The following PACSIN1 variants were observed in gnomAD, a reference collection of about 807,000 sequenced individuals.
PACSIN1 encodes protein kinase C and casein kinase substrate in neurons protein 1.
PACSIN1 carries 15 observed loss-of-function variants against 59.5 expected under a neutral mutation model. The ratio of observed to expected loss-of-function variants is 0.25; its 90% confidence interval spans 0.17 to 0.39. The LOEUF is 0.39. Among genes scored for constraint, PACSIN1 ranks in the 10% least tolerant of loss-of-function variants. The pLI is 1.00. For missense variants in PACSIN1, 420 were observed against 580.2 expected (o/e 0.72, Z 2.84); for synonymous variants, 210 against 220.6 (o/e 0.95, Z 0.42).
At chr6:34,507,029 T>C (rs1008440509) in intron 1 of PACSIN1, among the ~76,000 whole-genome samples, 2 of 152,184 alleles carry the variant, frequency 1.3e-5, no homozygotes, top group Non-Finnish European at 2.9e-5. Context: ...TTGGCTACAG[T>C]AGGGACGTCA....
Position 34,486,714 on chromosome 6 carries a change from G to A in PACSIN1, c.-64+20444G>A, listed in dbSNP as rs375312251. ...GGGCTGCCTTCCGGGGCCCTCCTCC[G>A]TGGGCCCCTCTCTTTCCTCCTGCCT... On this transcript the variant is annotated intron_variant, in intron 1 of 9. Coordinates refer to ENST00000244458, the MANE Select transcript of PACSIN1 (RefSeq NM_020804.5). 6.6e-3 allele frequency among the ~76,000 whole-genome samples: 1,010 copies of A among 152,064 alleles called. 7 individuals carry two copies. The highest frequency in any genetic ancestry group is 0.031 in the Middle Eastern group (9 of 294).
At chr6:34,484,928 G>T (rs1191757116) in intron 1 of PACSIN1, 1 of 152,026 alleles carries the variant, frequency 6.6e-6, no homozygotes, top group Non-Finnish European at 1.5e-5. Flanking sequence ...GAAAGTGGGG[G>T]TCAGGATCAT....
intron 1 of PACSIN1, among the ~76,000 whole-genome samples, chr6:34,475,270 A>G (rs974385734): frequency 6.6e-6 from 1 of 151,752 alleles, no homozygotes; most frequent in Non-Finnish European, 1.5e-5. Flanking sequence ...CTCCTCTCAC[A>G]TTGCTAGCTC....
intron 1 of PACSIN1, among the ~76,000 whole-genome samples, chr6:34,467,504 C>G (rs769528691): frequency 2.0e-5 from 3 of 150,718 alleles, no homozygotes; most frequent in South Asian, 2.1e-4. Context: ...TCCCCAGGAC[C>G]AAAGAGCCAC....
At chr6:34,510,134 G>A (rs940855755) in intron 1 of PACSIN1, among the ~76,000 whole-genome samples, 6 of 152,260 alleles carry the variant, frequency 3.9e-5, no homozygotes, top group Non-Finnish European at 8.8e-5. Flanking sequence ...CCAATTTGGA[G>A]ATGTTAAGAA....
chr6:34,503,983 T>A (rs1374337117), intron 1 of PACSIN1, among the ~76,000 whole-genome samples: 1 of 152,172 alleles, frequency 6.6e-6, no homozygotes, highest in Non-Finnish European at 1.5e-5. Context: ...GTAGTGTTTT[T>A]GAGTGTATCT....
intron 1 of PACSIN1, among the ~76,000 whole-genome samples, chr6:34,517,529 A>C (rs1581980159): frequency 1.8e-5 from 2 of 111,482 alleles, no homozygotes; most frequent in Admixed American, 1.1e-4. Flanking sequence ...CCCTTCCCTC[A>C]TCTGCGCAGG....
intron 1 of PACSIN1, among the ~76,000 whole-genome samples, chr6:34,523,703 C>A (rs893166991): frequency 1.2e-4 from 18 of 152,308 alleles, no homozygotes; most frequent in African/African-American, 4.1e-4. Flanking sequence ...CAGCAGGTAC[C>A]GACTGCCCTT....
At chr6:34,495,054 C>T (rs995037432) in intron 1 of PACSIN1, among the ~76,000 whole-genome samples, 4 of 152,176 alleles carry the variant, frequency 2.6e-5, no homozygotes, top group African/African-American at 9.7e-5. Flanking sequence ...TATTCCCTCC[C>T]TCTGCCAGCT....
rs530467979 is a variant in PACSIN1, at chr6:34,532,500, C to G, written c.1305C>G (p.Leu435=). ...GGCTGGACAGCGGGCAGCTGGGCCT[C>G]TACCCTGCCAACTACGTGGAGGCTA... ...RGRLDSGQLG[L]YPANYVEAI Residue 435 remains leucine (L), a synonymous_variant, in exon 10 of 10, where the codon CTC becomes CTG. Coordinates refer to ENST00000244458, the MANE Select transcript of PACSIN1 (RefSeq NM_020804.5). This position sits in a 1 kb window ranked among gnomAD's most constrained non-coding sequence, Gnocchi z 5.2. The G allele has an allele frequency of 6.4e-7, 1 of 1,562,006 alleles. No individual in the cohort carries two copies. Among genetic ancestry groups the G allele is most frequent in the Admixed American group, 1.9e-5 (1 of 52,646 alleles).
Position 34,521,335 on chromosome 6 carries a change from C to T in PACSIN1, c.-63-4908C>T, listed in dbSNP as rs145949681. Among the ~76,000 whole-genome samples the T allele has an allele frequency of 2.0e-3, 298 of 152,270 alleles. 1 individual carries two copies. Among genetic ancestry groups the T allele is most frequent in the Middle Eastern group, 6.8e-3 (2 of 294 alleles). The stretch of plus-strand genomic sequence containing the variant: ...GTGACCACTGAGGTAGGAATCCACA[C>T]GGCGCCTTGGTCCACACGAGGCCTG... On this transcript the variant is annotated intron_variant, in intron 1 of 9. Transcript: ENST00000244458. This position sits in a 1 kb window ranked among gnomAD's most constrained non-coding sequence, Gnocchi z 4.3.
intron 1 of PACSIN1, among the ~76,000 whole-genome samples, chr6:34,513,698 G>C (rs1048551932): frequency 5.9e-4 from 90 of 152,024 alleles, no homozygotes; most frequent in African/African-American, 2.1e-3. Context: ...GGGGCTCTAG[G>C]GGGGATCTAG....
rs532761045 is a variant in PACSIN1, at chr6:34,468,453, G to A, written c.-64+2183G>A. On this transcript the variant is annotated intron_variant, in intron 1 of 9. Transcript: ENST00000244458. ...TCATTCATTCATTCCACAATGGCTC[G>A]CATTGCTATTTGACAGCCATGCAGT... is the stretch of plus-strand genomic sequence containing the variant. 1.6e-4 allele frequency among the ~76,000 whole-genome samples: 25 copies of A among 152,260 alleles called. 1 individual carries two copies. Among genetic ancestry groups the A allele is most frequent in the African/African-American group, 4.8e-4 (20 of 41,546 alleles).
In PACSIN1 at chr6:34,532,362, G is replaced by C. The variant is rs1021610452; in HGVS notation, c.1226-59G>C. On this transcript the variant is annotated intron_variant, in intron 9 of 9. Coordinates refer to ENST00000244458, the MANE Select transcript of PACSIN1 (RefSeq NM_020804.5). This position sits in a 1 kb window ranked among gnomAD's most constrained non-coding sequence, Gnocchi z 5.2. ...GTATTGGAGGGTTCCCCTAGCAGCCGGTGCGTTGAGGGAGGGGCAGCCTTC... is the reference window on the plus strand; with the variant it reads ...GTATTGGAGGGTTCCCCTAGCAGCCCGTGCGTTGAGGGAGGGGCAGCCTTC... 6 of 1,141,714 alleles carry C rather than the reference G, an allele frequency of 5.3e-6. No individual in the cohort carries two copies. Among genetic ancestry groups the C allele is most frequent in the Non-Finnish European group, 7.7e-6 (6 of 776,526 alleles). The allele number at this position is 1,141,714 out of a possible 1,614,324, so 70.7% of individuals were successfully genotyped here.
At chr6:34,477,364 GA>G (rs1380595016) in intron 1 of PACSIN1, among the ~76,000 whole-genome samples, 2 of 151,760 alleles carry the variant, frequency 1.3e-5, no homozygotes, top group Non-Finnish European at 2.9e-5. Flanking sequence ...AAGAAAGAAA[GA>G]AAGAGAAAGA....
intron 1 of PACSIN1, among the ~76,000 whole-genome samples, chr6:34,468,475 C>T (rs1212874576): frequency 1.3e-5 from 2 of 152,210 alleles, no homozygotes; most frequent in Non-Finnish European, 2.9e-5. Context: ...GACAGCCATG[C>T]AGTCTCCCTA....
chr6:34,530,394 C>A lies in PACSIN1; in HGVS notation c.909+31C>A, dbSNP rs761331248. ...GATATGTGGGGATGGGAAGGGGAGCCTGAAGAGGCTGAAAGGTGCCTCAGG... is the reference window on the plus strand; with the variant it reads ...GATATGTGGGGATGGGAAGGGGAGCATGAAGAGGCTGAAAGGTGCCTCAGG... On this transcript the variant is annotated intron_variant, in intron 7 of 9. Coordinates refer to ENST00000244458, the MANE Select transcript of PACSIN1 (RefSeq NM_020804.5). The surrounding 1 kb of genome is among the most constrained non-coding windows in gnomAD (Gnocchi z 4.4). 5 of 1,609,728 alleles carry A rather than the reference C, an allele frequency of 3.1e-6. No homozygotes were observed. The highest frequency in any genetic ancestry group is 4.2e-6 in the Non-Finnish European group (5 of 1,176,952).
At chr6:34,477,015 C>A (rs1048400648) in intron 1 of PACSIN1, among the ~76,000 whole-genome samples, 1 of 152,354 alleles carries the variant, frequency 6.6e-6, no homozygotes, top group African/African-American at 2.4e-5. Flanking sequence ...AGGACCCCCT[C>A]GTTCCCTGGC....
chr6:34,528,939 TC>T, intron 4 of PACSIN1, 62 bp downstream of exon 4: 1 of 1,299,926 alleles, frequency 7.7e-7, no homozygotes, highest in Non-Finnish European at 1.1e-6. Context: ...AGGGTGCTGA[TC>T]CCAGGGAGGG....
Sources: allele counts gnomAD v4.1 joint callset (sites outside exome capture counted in the v4.1 genomes callset), GRCh38; gene constraint gnomAD v4.1.1; non-coding constraint Gnocchi (gnomAD v3.1); transcripts MANE v1.5; gene names NCBI Gene and HGNC (gene_info 2026-07-23, HGNC 2026-07-21).